The following NAALADL2 variants were observed in gnomAD, a reference collection of about 807,000 sequenced individuals.
NAALADL2 encodes the protein inactive N-acetylated-alpha-linked acidic dipeptidase-like protein 2.
NAALADL2 carries 76 observed loss-of-function variants against 87.2 expected under a neutral mutation model. That is an observed-to-expected ratio of 0.87 (90% CI 0.72 to 1.05). NAALADL2 has a LOEUF of 1.05. Among genes scored for constraint, NAALADL2 ranks in the 50% least tolerant of loss-of-function variants. The pLI, the probability that NAALADL2 is intolerant of heterozygous loss-of-function variation, is 0.00. For synonymous variants in NAALADL2, 354 were observed against 331.0 expected (o/e 1.07, Z -0.75); for missense variants, 1,089 against 945.8 (o/e 1.15, Z -1.99).
At chr3:175,164,244 C>T (rs1214921237) in intron 2 of NAALADL2, among the ~76,000 whole-genome samples, 2 of 151,020 alleles carry the variant, frequency 1.3e-5, no homozygotes, top group Non-Finnish European at 2.9e-5. Flanking sequence ...TTTTTATTCC[C>T]CATTAAAAAT....
intron 2 of NAALADL2, among the ~76,000 whole-genome samples, chr3:174,718,024 G>A (rs1358692735): frequency 6.6e-6 from 1 of 152,150 alleles, no homozygotes; most frequent in African/African-American, 2.4e-5. Flanking sequence ...AGCTACTTGG[G>A]AGGCTGAAGC....
At position 174,478,464 on chromosome 3, in the gene NAALADL2, C is replaced by G. The variant is rs114598840; in HGVS notation, c.-184+37432C>G. 1.7e-3 allele frequency among the ~76,000 whole-genome samples: 256 copies of G among 152,060 alleles called. 1 individual carries two copies. Among genetic ancestry groups the G allele is most frequent in the African/African-American group, 6.0e-3 (250 of 41,524 alleles). On this transcript the variant is annotated intron_variant, in intron 1 of 3. Transcript: ENST00000434257. ...ATGTTTATGATATAACTTGTTTAAA[C>G]TATGGAAAATGAGTCAGTATTAGAA...
intron 1 of NAALADL2, among the ~76,000 whole-genome samples, chr3:174,454,900 G>C (rs1715724862): frequency 6.6e-6 from 1 of 150,998 alleles, no homozygotes; most frequent in African/African-American, 2.4e-5. Context: ...CTGAACTGAA[G>C]GAGACTGAGA....
rs186833593 is a variant in NAALADL2 at position 174,943,011 on chromosome 3, C to A, written c.43+83561C>A. On this transcript the variant is annotated intron_variant, in intron 1 of 13. Coordinates refer to ENST00000454872, the MANE Select transcript of NAALADL2 (RefSeq NM_207015.3). ...AATCTCAATGATCTTTGTTTCTATA[C>A]GTATTCCAAATTCTATTTCTGTCAT... Among the ~76,000 whole-genome samples the A allele has an allele frequency of 2.6e-5, 4 of 152,254 alleles. No individual in the cohort carries two copies. The South Asian group carries it at 6.2e-4, about 24-fold the overall frequency.
chr3:175,285,448 C>T (rs960520322), intron 4 of NAALADL2, among the ~76,000 whole-genome samples: 1 of 151,980 alleles, frequency 6.6e-6, no homozygotes, highest in African/African-American at 2.4e-5. Context: ...AAATAAGAAA[C>T]CTTTAAGTGG....
intron 3 of NAALADL2, among the ~76,000 whole-genome samples, chr3:174,801,629 A>C (rs1038924291): frequency 6.6e-6 from 1 of 152,088 alleles, no homozygotes; most frequent in Admixed American, 6.6e-5. Flanking sequence ...TAGCCATTTT[A>C]TTCATAGATG....
chr3:174,571,036 G>A (rs1011778911), intron 2 of NAALADL2, among the ~76,000 whole-genome samples: 1 of 152,078 alleles, frequency 6.6e-6, no homozygotes, highest in Non-Finnish European at 1.5e-5. Context: ...CATGAATTCT[G>A]ATTCTGTAGG....
intron 3 of NAALADL2, among the ~76,000 whole-genome samples, 190 bp from the exon 4 acceptor site, chr3:175,256,221 A>C (rs1749913202): frequency 6.6e-6 from 1 of 152,192 alleles, no homozygotes; most frequent in African/African-American, 2.4e-5. Flanking sequence ...TCTAGTGCCC[A>C]GAAGAATTGC....
intron 1 of NAALADL2, among the ~76,000 whole-genome samples, chr3:174,909,530 A>G (rs1733411703): frequency 6.6e-6 from 1 of 152,148 alleles, no homozygotes; most frequent in African/African-American, 2.4e-5. Flanking sequence ...TGTATTAACA[A>G]ATCCCTGCTT....
chr3:175,378,253 A>G (rs1370073295), intron 5 of NAALADL2, among the ~76,000 whole-genome samples: 9 of 152,190 alleles, frequency 5.9e-5, no homozygotes. Context: ...GGGGTGGAGC[A>G]AAGCAGGTGG....
chr3:174,573,568 A>G (rs1471167048), intron 2 of NAALADL2, among the ~76,000 whole-genome samples: 1 of 152,194 alleles, frequency 6.6e-6, no homozygotes, highest in African/African-American at 2.4e-5. Flanking sequence ...AGGCTTTACA[A>G]GTAGCATGGC....
chr3:174,999,851 C>T (rs1230163139), intron 1 of NAALADL2, among the ~76,000 whole-genome samples: 3 of 151,964 alleles, frequency 2.0e-5, no homozygotes, highest in Non-Finnish European at 4.4e-5. Flanking sequence ...AAAAATTTTG[C>T]TTTGTGGGCT....
intron 4 of NAALADL2, among the ~76,000 whole-genome samples, chr3:175,323,074 A>G (rs2110419218): frequency 6.8e-6 from 1 of 147,630 alleles, no homozygotes; most frequent in Admixed American, 6.7e-5. Context: ...AATAGCAAAG[A>G]CTTGGAACCA....
intron 1 of NAALADL2, among the ~76,000 whole-genome samples, chr3:174,483,425 G>A (rs926167861): frequency 1.3e-5 from 2 of 151,938 alleles, no homozygotes; most frequent in Admixed American, 1.3e-4. Flanking sequence ...TATGAGAACA[G>A]CATGGGGAAA....
At chr3:175,640,840 C>A (rs940444745) in intron 11 of NAALADL2, among the ~76,000 whole-genome samples, 5 of 152,102 alleles carry the variant, frequency 3.3e-5, no homozygotes, top group Non-Finnish European at 7.4e-5. Context: ...AAAATGCAGA[C>A]AACCAGGAAA....
At chr3:175,567,905 A>T (rs990211308) in intron 9 of NAALADL2, among the ~76,000 whole-genome samples, 2 of 151,824 alleles carry the variant, frequency 1.3e-5, no homozygotes, top group African/African-American at 4.8e-5. Context: ...TGGTAGAGAC[A>T]CAGTTTCGCC....
intron 1 of NAALADL2, among the ~76,000 whole-genome samples, chr3:174,902,017 A>G (rs116784487): frequency 0.037 from 5,706 of 152,174 alleles, 109 homozygotes; most frequent in Middle Eastern, 0.086. Flanking sequence ...CCCTAAAACT[A>G]TAATATATAC....
At chr3:174,710,230 C>CTTTTTT (rs57899491) in intron 2 of NAALADL2, among the ~76,000 whole-genome samples, 4 of 136,350 alleles carry the variant, frequency 2.9e-5, no homozygotes, top group Admixed American at 1.5e-4. Context: ...TATGAGCCTC[C>CTTTTTT]TTTTTTTTTT....
At chr3:175,506,189 TA>T (rs1172789649) in intron 9 of NAALADL2, among the ~76,000 whole-genome samples, 16 of 152,204 alleles carry the variant, frequency 1.1e-4, no homozygotes, top group Non-Finnish European at 1.6e-4. Flanking sequence ...TAAAATAAAA[TA>T]AAAAAACCTT....
Sources: gnomAD v4.1 joint callset for allele counts (sites outside exome capture counted in the v4.1 genomes callset) on GRCh38, gnomAD v4.1.1 for gene constraint, MANE v1.5 for transcripts, NCBI Gene and HGNC (gene_info 2026-07-23, HGNC 2026-07-21) for gene names.